Variants in KIR3DL1 observed in about 807,000 individuals in gnomAD.
The protein encoded by KIR3DL1 is killer cell immunoglobulin like receptor, three Ig domains and long cytoplasmic tail 1.
Under a neutral mutation model 40.3 loss-of-function variants are expected in KIR3DL1, and 50 were observed. The observed-to-expected ratio is 1.24, with a 90% CI of 0.99 to 1.57. KIR3DL1 has a LOEUF of 1.57. Ranked by LOEUF, KIR3DL1 falls within the 40% of genes most tolerant of loss-of-function variation. KIR3DL1 has a pLI of 0.00. For missense variants in KIR3DL1, 661 were observed against 559.9 expected (o/e 1.18, Z -1.82); for synonymous variants, 257 against 207.2 (o/e 1.24, Z -2.07).
At chr19:54,818,512 G>A in exon 3 of KIR3DL1, 2 of 1,611,518 alleles carry the variant, frequency 1.2e-6, no homozygotes, top group Non-Finnish European at 1.7e-6. Flanking sequence ...CACAGCACAT[G>A]CAGGGAACTA....
At chr19:54,825,201 A>T (rs1601394869) in intron 6 of KIR3DL1, 123 bp downstream of exon 6, 1 of 749,944 alleles carries the variant, frequency 1.3e-6, no homozygotes, top group African/African-American at 1.8e-5. Context: ...CCATCTCTGA[A>T]CTCCAGACAC....
intron 6 of KIR3DL1, among the ~76,000 whole-genome samples, chr19:54,826,802 T>C (rs1457697658): frequency 4.6e-5 from 7 of 150,888 alleles, no homozygotes; most frequent in Admixed American, 2.6e-4. Context: ...CAATCTGATG[T>C]GGAAGGAAGA....
chr19:54,825,666 G>T (rs1331153082), intron 6 of KIR3DL1, among the ~76,000 whole-genome samples: 117 of 149,688 alleles, frequency 7.8e-4, no homozygotes, highest in African/African-American at 2.5e-3. Flanking sequence ...AAACAAAACG[G>T]TTTTTTAATT....
At chr19:54,822,440 C>A (rs1382379556) in intron 5 of KIR3DL1, among the ~76,000 whole-genome samples, 2 of 150,930 alleles carry the variant, frequency 1.3e-5, no homozygotes, top group Non-Finnish European at 2.9e-5. Context: ...CCCTGGCCAA[C>A]ATGTGGGAAA....
At position 54,821,876 on chromosome 19, in the gene KIR3DL1, C is replaced by A; in HGVS notation, c.949+18C>A. The A allele has an allele frequency of 6.3e-7, 1 of 1,594,606 alleles. No individual in the cohort carries two copies. The highest frequency in any genetic ancestry group is 8.6e-7 in the Non-Finnish European group (1 of 1,168,264). On this transcript the variant is annotated intron_variant, in intron 5 of 8. Coordinates refer to ENST00000391728, the Ensembl canonical transcript of KIR3DL1. Reference sequence around the variant, plus strand: ...TGTCACAGGTGAGAAAAGCCCATATCTCTCTCATGTCCTATGATCCTAAAT... The same window carrying A: ...TGTCACAGGTGAGAAAAGCCCATATATCTCTCATGTCCTATGATCCTAAAT...
intron 6 of KIR3DL1, among the ~76,000 whole-genome samples, chr19:54,828,162 A>G (rs1274618879): frequency 6.6e-6 from 1 of 150,944 alleles, no homozygotes; most frequent in Non-Finnish European, 1.5e-5. Context: ...CACATTTCAC[A>G]CGGGCTTCAA....
rs1017490029 is a variant in KIR3DL1, at chr19:54,819,627, G to T, written c.356-86G>T. The T allele has an allele frequency of 2.7e-5, 39 of 1,455,864 alleles. 1 individual carries two copies. Among genetic ancestry groups the T allele is most frequent in the Middle Eastern group, 5.0e-4 (2 of 3,996 alleles). 90.2% of individuals were successfully genotyped at this position (1,455,864 alleles called of 1,614,324 possible). A position where few individuals can be genotyped will look rare whatever the true frequency, so the allele number is the denominator to read the frequency against. ...AGAGAGGGAGGAGAGAGACAGACAC[G>T]GGGAGGGGAACCCTCACTCATTCCA... On this transcript the variant is annotated intron_variant, in intron 3 of 8. Transcript: ENST00000391728.
At chr19:54,828,631 T>C (rs1471785561) in intron 6 of KIR3DL1, among the ~76,000 whole-genome samples, 1 of 150,346 alleles carries the variant, frequency 6.7e-6, no homozygotes, top group African/African-American at 2.5e-5. Flanking sequence ...CAGGAAGCAC[T>C]CAGCTAAAGC....
chr19:54,823,751 T>C (rs2061751848), intron 5 of KIR3DL1, among the ~76,000 whole-genome samples: 5 of 151,582 alleles, frequency 3.3e-5, no homozygotes, highest in African/African-American at 9.7e-5. Flanking sequence ...CTCCGCCTCC[T>C]GAAGTGCCGG....
chr19:54,821,146 C>A (rs679057), intron 4 of KIR3DL1, among the ~76,000 whole-genome samples: 1 of 148,520 alleles, frequency 6.7e-6, no homozygotes, highest in Non-Finnish European at 1.5e-5. Flanking sequence ...GATAGACAGA[C>A]AGACAATTGA....
chr19:54,818,139 T>A (rs2061441311), intron 2 of KIR3DL1, among the ~76,000 whole-genome samples, 176 bp from the exon 3 acceptor site: 1 of 141,756 alleles, frequency 7.1e-6, no homozygotes, highest in South Asian at 2.3e-4. Flanking sequence ...AGTTCTCAGC[T>A]GACACTTGTT....
chr19:54,821,930 T>C lies in KIR3DL1; in HGVS notation c.949+72T>C, dbSNP rs372964119. On this transcript the variant is annotated intron_variant, in intron 5 of 8. Coordinates refer to ENST00000391728, the Ensembl canonical transcript of KIR3DL1. ...TAGCTAAGGAGCTTCCTGCTGATGA[T>C]GGAGAAAAGCATGGACAGATGCAGA... is the stretch of plus-strand genomic sequence containing the variant. 47 of 1,510,930 alleles carry C rather than the reference T, an allele frequency of 3.1e-5. 1 individual carries two copies. The African/African-American group carries it at 5.7e-4, about 18-fold the overall frequency. The allele number at this position is 1,510,930 out of a possible 1,614,324, so 93.6% of individuals were successfully genotyped here. A position where few individuals can be genotyped will look rare whatever the true frequency, so the allele number is the denominator to read the frequency against.
Position 54,818,365 on chromosome 19 carries a change from C to T in KIR3DL1, c.121C>T (p.Arg41Ter), listed in dbSNP as rs376509720. The T allele has an allele frequency of 4.6e-5, 74 of 1,605,504 alleles. No homozygotes were observed. Among genetic ancestry groups the T allele is most frequent in the Middle Eastern group, 1.7e-4 (1 of 6,046 alleles). Residue 41 changes from arginine (R) to a stop codon, truncating the protein, a stop_gained, in exon 3 of 9, where the codon CGA becomes TGA. Coordinates refer to ENST00000391728, the Ensembl canonical transcript of KIR3DL1. LOFTEE classifies it high-confidence loss of function. ...TGCCTGGCCCAGCGCTGTGGTGCCT[C>T]GAGGAGGACACGTGACTCTTCGGTG...
At chr19:54,816,684 C>A (rs1323549719) in intron 1 of KIR3DL1, 150 bp downstream of exon 1, 3 of 1,322,622 alleles carry the variant, frequency 2.3e-6, no homozygotes, top group Non-Finnish European at 3.1e-6. Context: ...GAGATCTGGG[C>A]CTGGAGTGGA....
intron 4 of KIR3DL1, among the ~76,000 whole-genome samples, chr19:54,820,606 A>G (rs1282180574): frequency 6.6e-6 from 1 of 151,460 alleles, no homozygotes; most frequent in East Asian, 1.9e-4. Context: ...CACATATGAT[A>G]GGATCGCTGA....
chr19:54,823,772 G>C (rs970839704), intron 5 of KIR3DL1, among the ~76,000 whole-genome samples: 1 of 151,576 alleles, frequency 6.6e-6, no homozygotes, highest in Non-Finnish European at 1.5e-5. Context: ...AATTACAGGC[G>C]TGAGCCACCG....
At position 54,830,318 on chromosome 19, in the gene KIR3DL1, A is replaced by G; in HGVS notation, c.*43A>G. On this transcript the variant is annotated 3_prime_UTR_variant, in exon 9 of 9. Transcript: ENST00000391728. Reference sequence around the variant, plus strand: ...TGAGGACGTCTTCTAGGGAGACAACAGCCCTGTCTCAAAACCGAGTTGCCA... The same window carrying G: ...TGAGGACGTCTTCTAGGGAGACAACGGCCCTGTCTCAAAACCGAGTTGCCA... 2 of 1,504,918 alleles carry G rather than the reference A, an allele frequency of 1.3e-6. 1 individual carries two copies. Among genetic ancestry groups the G allele is most frequent in the Non-Finnish European group, 1.8e-6 (2 of 1,105,466 alleles). 93.2% of individuals were successfully genotyped at this position (1,504,918 alleles called of 1,614,324 possible).
At chr19:54,828,980 C>G (rs550781688) in intron 6 of KIR3DL1, among the ~76,000 whole-genome samples, 2 of 141,840 alleles carry the variant, frequency 1.4e-5, no homozygotes, top group African/African-American at 2.5e-5. Context: ...CTCTTTTTAA[C>G]AACCAGCTCT....
At chr19:54,821,493 T>A (rs2061630985) in intron 4 of KIR3DL1, 72 bp from the exon 5 acceptor site, 1 of 1,507,976 alleles carries the variant, frequency 6.6e-7, no homozygotes, top group Admixed American at 2.0e-5. Flanking sequence ...GGGAGTGAGT[T>A]CTCAGCTCAG....
Sources: allele counts gnomAD v4.1 joint callset (sites outside exome capture counted in the v4.1 genomes callset), GRCh38; gene constraint gnomAD v4.1.1; transcripts MANE v1.5; gene names NCBI Gene and HGNC (gene_info 2026-07-23, HGNC 2026-07-21).